The following MARCHF1 variants were observed in gnomAD, a reference collection of about 807,000 sequenced individuals.
MARCHF1 encodes the protein membrane associated ring-CH-type finger 1.
Under a neutral mutation model 54.2 loss-of-function variants are expected in MARCHF1, and 40 were observed. That is an observed-to-expected ratio of 0.74 (90% CI 0.57 to 0.96). The LOEUF is 0.96. Ranked by LOEUF, MARCHF1 falls within the 40% of genes least tolerant of loss-of-function variation. The pLI is 0.00. For synonymous variants in MARCHF1, 236 were observed against 236.3 expected (o/e 1.00, Z 0.01); for missense variants, 586 against 656.5 (o/e 0.89, Z 1.17).
rs926606031 is a variant in MARCHF1 at position 164,255,561 on chromosome 4, C to A, written c.-323+128309G>T. ...ATAACAAGATCCAGCTTATGCTTTA[C>A]AACAGATCCACCTAAAATCAAGTGG... On this transcript the variant is annotated intron_variant, in intron 1 of 9. Coordinates refer to ENST00000514618, the MANE Select transcript of MARCHF1 (RefSeq NM_001394959.1). 2.0e-5 allele frequency among the ~76,000 whole-genome samples: 3 copies of A among 151,918 alleles called. No homozygotes were observed. The South Asian group carries it at 6.2e-4, about 31-fold the overall frequency.
chr4:164,007,170 C>A (rs1455369255), intron 2 of MARCHF1, among the ~76,000 whole-genome samples: 7 of 150,286 alleles, frequency 4.7e-5, no homozygotes, highest in African/African-American at 9.8e-5. Flanking sequence ...CACGGTAAAA[C>A]CCTGTCTCTA....
At chr4:163,934,748 G>A (rs1345487903) in intron 3 of MARCHF1, among the ~76,000 whole-genome samples, 1 of 151,842 alleles carries the variant, frequency 6.6e-6, no homozygotes, top group Non-Finnish European at 1.5e-5. Context: ...ACCATGCAAA[G>A]TCATCTATTA....
At chr4:164,005,738 A>G (rs1417129327) in intron 2 of MARCHF1, among the ~76,000 whole-genome samples, 2 of 152,182 alleles carry the variant, frequency 1.3e-5, no homozygotes, top group African/African-American at 4.8e-5. Context: ...ACAATGCTCT[A>G]TAACTTAGTC....
At chr4:163,958,484 G>C (rs1242343983) in intron 3 of MARCHF1, among the ~76,000 whole-genome samples, 8 of 151,712 alleles carry the variant, frequency 5.3e-5, no homozygotes, top group Admixed American at 5.3e-4. Context: ...TACTTTTTTT[G>C]TTACTTTTGA....
intron 5 of MARCHF1, among the ~76,000 whole-genome samples, chr4:163,691,443 C>T (rs1463517506): frequency 6.6e-6 from 1 of 152,130 alleles, no homozygotes; most frequent in Non-Finnish European, 1.5e-5. Context: ...ATCTCTTTCC[C>T]TCGCACTAGT....
intron 3 of MARCHF1, among the ~76,000 whole-genome samples, chr4:163,948,654 G>A (rs1579414722): frequency 6.6e-6 from 1 of 151,928 alleles, no homozygotes; most frequent in Non-Finnish European, 1.5e-5. Context: ...GGAGAGGAGA[G>A]AAGCCATTCT....
At chr4:164,357,561 G>A (rs996912814) in intron 1 of MARCHF1, among the ~76,000 whole-genome samples, 1 of 152,130 alleles carries the variant, frequency 6.6e-6, no homozygotes, top group Non-Finnish European at 1.5e-5. Context: ...TGAATTAGGA[G>A]GGTGTAATTC....
intron 3 of MARCHF1, among the ~76,000 whole-genome samples, chr4:163,953,159 C>T (rs1424994107): frequency 6.6e-6 from 1 of 152,146 alleles, no homozygotes; most frequent in Non-Finnish European, 1.5e-5. Context: ...AAGTTCCAAA[C>T]AAATATTGCA....
chr4:163,697,865 C>A (rs1038376168), intron 5 of MARCHF1, among the ~76,000 whole-genome samples: 1 of 152,268 alleles, frequency 6.6e-6, no homozygotes, highest in East Asian at 1.9e-4. Flanking sequence ...TTAATCCTGT[C>A]CACTCTGCAT....
chr4:164,133,824 C>A (rs998594914), intron 1 of MARCHF1, among the ~76,000 whole-genome samples: 1 of 152,176 alleles, frequency 6.6e-6, no homozygotes, highest in Non-Finnish European at 1.5e-5. Context: ...TGACCTACTG[C>A]ACTTTGCAAA....
At chr4:163,713,551 A>G (rs1179683651) in intron 4 of MARCHF1, among the ~76,000 whole-genome samples, 1 of 152,204 alleles carries the variant, frequency 6.6e-6, no homozygotes, top group Non-Finnish European at 1.5e-5. Context: ...ATGGTAGCAT[A>G]ACCAATCTTG....
At chr4:163,595,334 C>A (rs1357489186) in intron 7 of MARCHF1, among the ~76,000 whole-genome samples, 1 of 147,214 alleles carries the variant, frequency 6.8e-6, no homozygotes, top group African/African-American at 2.5e-5. Flanking sequence ...CACAGTGAGA[C>A]CCTGTCTTCA....
intron 3 of MARCHF1, among the ~76,000 whole-genome samples, chr4:163,939,167 T>C (rs538045573): frequency 2.0e-4 from 30 of 152,156 alleles, no homozygotes; most frequent in Admixed American, 6.6e-4. Flanking sequence ...AATAGAACTC[T>C]CAGTCTTTGA....
chr4:163,606,057 T>TA (rs1028378922), intron 7 of MARCHF1, among the ~76,000 whole-genome samples: 12 of 151,856 alleles, frequency 7.9e-5, no homozygotes, highest in African/African-American at 2.7e-4. Flanking sequence ...AAGTATAATT[T>TA]AAAAAAATGA....
At chr4:163,533,133 C>G (rs757531231) in intron 9 of MARCHF1, among the ~76,000 whole-genome samples, 13 of 151,638 alleles carry the variant, frequency 8.6e-5, no homozygotes, top group Non-Finnish European at 1.8e-4. Flanking sequence ...AATGAATAAA[C>G]TGTGATACAT....
chr4:164,038,504 T>A (rs952559703), intron 2 of MARCHF1, among the ~76,000 whole-genome samples: 1 of 151,978 alleles, frequency 6.6e-6, no homozygotes, highest in Non-Finnish European at 1.5e-5. Flanking sequence ...AATAAATAAA[T>A]AAAAATAAAA....
chr4:163,772,757 TAACC>T (rs1747196447), intron 4 of MARCHF1, among the ~76,000 whole-genome samples: 1 of 152,364 alleles, frequency 6.6e-6, no homozygotes, highest in Admixed American at 6.5e-5. Context: ...GGCGTTCAAA[TAACC>T]CCCCTTTCTC....
Position 164,127,049 on chromosome 4 carries a change from G to A in MARCHF1, c.-322-15387C>T, listed in dbSNP as rs537803659. Among the ~76,000 whole-genome samples, 9 of 67,590 alleles carry A rather than the reference G, an allele frequency of 1.3e-4. No homozygotes were observed. In the South Asian group the frequency reaches 2.9e-3, roughly 22 times the overall value. 44.3% of individuals were successfully genotyped at this position (67,590 alleles called of 152,430 possible). On this transcript the variant is annotated intron_variant, in intron 1 of 9. Coordinates refer to ENST00000514618, the MANE Select transcript of MARCHF1 (RefSeq NM_001394959.1). ...ACCCTGGGCGACAGAGTGAAACTCC[G>A]TCTCAAAACAAAACAAAACAAAACA...
At chr4:164,141,191 T>C (rs905496365) in intron 1 of MARCHF1, among the ~76,000 whole-genome samples, 7 of 152,182 alleles carry the variant, frequency 4.6e-5, no homozygotes, top group African/African-American at 1.7e-4. Context: ...TATCCTTCCT[T>C]TGTGGCAAAT....
Sources: gnomAD v4.1 joint callset for allele counts (sites outside exome capture counted in the v4.1 genomes callset) on GRCh38, gnomAD v4.1.1 for gene constraint, MANE v1.5 for transcripts, NCBI Gene and HGNC (gene_info 2026-07-23, HGNC 2026-07-21) for gene names.